Variants in NIPAL2 observed in about 807,000 individuals in gnomAD.
The protein encoded by NIPAL2 is NIPA-like protein 2.
In NIPAL2, 43 loss-of-function variants were observed where a neutral mutation model predicts 48.9. The ratio of observed to expected loss-of-function variants is 0.88; its 90% CI spans 0.69 to 1.13. The LOEUF (loss-of-function observed/expected upper bound fraction) is 1.13, where lower values mean the gene tolerates loss of function less well. Ranked by LOEUF, NIPAL2 falls within the 50% of genes most tolerant of loss-of-function variation. The probability of loss-of-function intolerance (pLI) is 0.00; values close to 1 mark genes in which losing one functional copy is unlikely to be tolerated. For synonymous variants in NIPAL2, 167 were observed against 174.6 expected (o/e 0.96, Z 0.34); for missense variants, 446 against 461.4 (o/e 0.97, Z 0.31).
Position 98,293,996 on chromosome 8 carries a change from C to T in NIPAL2, c.135+7G>A. ...CCGGGCTGCGGTGGCTGCGGGGCGGCCCTTACCTGGTTCCTGCGGTACCAG... is the reference window on the plus strand; with the variant it reads ...CCGGGCTGCGGTGGCTGCGGGGCGGTCCTTACCTGGTTCCTGCGGTACCAG... On this transcript the variant is annotated splice_region_variant and intron_variant, in intron 1 of 10. Transcript: ENST00000430223. 2 of 1,480,778 alleles carry T rather than the reference C, an allele frequency of 1.4e-6. No individual in the cohort carries two copies. The highest frequency in any genetic ancestry group is 2.6e-5 in the South Asian group (2 of 77,090). 91.7% of individuals were successfully genotyped at this position (1,480,778 alleles called of 1,614,324 possible).
At chr8:98,217,053 A>G in intron 5 of NIPAL2, 2 of 985,446 alleles carry the variant, frequency 2.0e-6, no homozygotes, top group Non-Finnish European at 2.4e-6. Context: ...TTTGACCTTG[A>G]AAACTCCACT....
chr8:98,198,597 T>C (rs751878511), intron 8 of NIPAL2, among the ~76,000 whole-genome samples: 26 of 152,252 alleles, frequency 1.7e-4, no homozygotes, highest in Non-Finnish European at 2.9e-4. Context: ...TCAATGATCT[T>C]AGCTAGATGT....
intron 3 of NIPAL2, among the ~76,000 whole-genome samples, chr8:98,236,848 T>C (rs929418508): frequency 3.5e-5 from 2 of 57,726 alleles, no homozygotes; most frequent in African/African-American, 1.3e-4. Flanking sequence ...GGAGATCCTG[T>C]CTCAAAAAAA....
At chr8:98,254,812 C>A (rs1813783076) in intron 1 of NIPAL2, among the ~76,000 whole-genome samples, 1 of 152,216 alleles carries the variant, frequency 6.6e-6, no homozygotes, top group Non-Finnish European at 1.5e-5. Context: ...CATCCTCTAG[C>A]CAGATGTGAC....
chr8:98,203,013 C>T (rs1810875587), intron 8 of NIPAL2, 95 bp downstream of exon 8: 2 of 965,940 alleles, frequency 2.1e-6, no homozygotes, highest in African/African-American at 3.3e-5. Flanking sequence ...CAACACAGAT[C>T]CTTACAACCT....
rs1231589342 is a variant in NIPAL2 at position 98,212,367 on chromosome 8, G to A, written c.655+38C>T. ...CAAACCTCATTTATGACTCAGCACA[G>A]CTCAATTAAAGAATAAGAAAACAAA... On this transcript the variant is annotated intron_variant, in intron 6 of 10. Transcript: ENST00000430223. The A allele has an allele frequency of 3.6e-6, 4 of 1,097,558 alleles. No individual in the cohort carries two copies. The Admixed American group carries it at 6.9e-5, about 19-fold the overall frequency. 68.0% of individuals were successfully genotyped at this position (1,097,558 alleles called of 1,614,324 possible).
intron 5 of NIPAL2, among the ~76,000 whole-genome samples, chr8:98,222,037 A>ATCAT (rs1278388977): frequency 9.9e-5 from 15 of 152,164 alleles, no homozygotes; most frequent in Non-Finnish European, 2.1e-4. Context: ...ACCAACCCAA[A>ATCAT]TGTCCATCAA....
intron 4 of NIPAL2, among the ~76,000 whole-genome samples, chr8:98,227,923 A>G (rs1812257551): frequency 1.3e-5 from 2 of 152,226 alleles, no homozygotes; most frequent in African/African-American, 4.8e-5. Flanking sequence ...CCAAAACTCA[A>G]GTTCACACCT....
intron 1 of NIPAL2, among the ~76,000 whole-genome samples, chr8:98,266,832 A>G (rs1385376413): frequency 6.6e-6 from 1 of 152,194 alleles, no homozygotes; most frequent in Non-Finnish European, 1.5e-5. Flanking sequence ...ACCTAAATGA[A>G]TGAGGTCCGC....
Position 98,193,058 on chromosome 8 carries a change from A to G in NIPAL2, c.1072T>C (p.Ser358Pro), listed in dbSNP as rs1209036902. ...AAAGTTCCATAGGATAAGCTATGTG[A>G]ATCTGGTTGTATTTTGTCCAACATT... ...KQMLDKIQPD[S>P]HSLSYGTLPD... is the part of the protein sequence containing the mutation. The change falls in exon 11 of 11, where the codon TCA becomes CCA. Residue 358 changes from serine (S) to proline (P), a missense_variant. Transcript: ENST00000430223. 6.2e-7 allele frequency: 1 copy of G among 1,614,058 alleles called. No homozygotes were observed. Among genetic ancestry groups the G allele is most frequent in the Non-Finnish European group, 8.5e-7 (1 of 1,179,940 alleles).
chr8:98,267,685 A>C (rs1342480232), intron 1 of NIPAL2, among the ~76,000 whole-genome samples: 1 of 152,184 alleles, frequency 6.6e-6, no homozygotes, highest in Non-Finnish European at 1.5e-5. Flanking sequence ...TTTTTAAGCC[A>C]TCATTATAAG....
intron 1 of NIPAL2, among the ~76,000 whole-genome samples, chr8:98,263,861 C>A (rs1001977433): frequency 8.2e-6 from 1 of 121,736 alleles, no homozygotes; most frequent in Admixed American, 8.5e-5. Flanking sequence ...CCTTGATGAA[C>A]ATTGATGCAA....
intron 1 of NIPAL2, among the ~76,000 whole-genome samples, chr8:98,273,786 T>C (rs1158603603): frequency 6.6e-6 from 1 of 152,090 alleles, no homozygotes; most frequent in African/African-American, 2.4e-5. Flanking sequence ...ATTAGCTTTT[T>C]CCCTTTCTTC....
At chr8:98,272,886 T>A (rs1815224352) in intron 1 of NIPAL2, among the ~76,000 whole-genome samples, 1 of 152,196 alleles carries the variant, frequency 6.6e-6, no homozygotes, top group Non-Finnish European at 1.5e-5. Flanking sequence ...AATGCTTATT[T>A]TTTCCAGGAA....
At chr8:98,247,958 C>T (rs1228940553) in intron 3 of NIPAL2, among the ~76,000 whole-genome samples, 1 of 152,186 alleles carries the variant, frequency 6.6e-6, no homozygotes, top group East Asian at 1.9e-4. Flanking sequence ...CATTCGGCCT[C>T]TCTGTAGTTA....
At chr8:98,262,374 C>G (rs1294485208) in intron 1 of NIPAL2, among the ~76,000 whole-genome samples, 453 of 148,126 alleles carry the variant, frequency 3.1e-3, no homozygotes, top group African/African-American at 0.01. Flanking sequence ...GTGCTGTATT[C>G]AGGAAACCCA....
At position 98,294,218 on chromosome 8, in the gene NIPAL2, C is replaced by T. The variant is rs1816653699; in HGVS notation, c.-81G>A. On this transcript the variant is annotated 5_prime_UTR_variant, in exon 1 of 11. Coordinates refer to ENST00000430223, the MANE Select transcript of NIPAL2 (RefSeq NM_001321635.2). The stretch of plus-strand genomic sequence containing the variant: ...CTGTTGCACCGCGAGGAGGCCGCGC[C>T]GCAGCCACTTCCTGCTCGGTGCCCG... 7 of 1,201,200 alleles carry T rather than the reference C, an allele frequency of 5.8e-6. No homozygotes were observed. The highest frequency in any genetic ancestry group is 7.2e-6 in the Non-Finnish European group (7 of 968,538). 74.4% of individuals were successfully genotyped at this position (1,201,200 alleles called of 1,614,324 possible).
chr8:98,198,407 C>A (rs1810653642), intron 8 of NIPAL2, among the ~76,000 whole-genome samples: 1 of 152,356 alleles, frequency 6.6e-6, no homozygotes, highest in South Asian at 2.1e-4. Flanking sequence ...TAAGCATTGG[C>A]TTCAAATTAA....
chr8:98,283,833 C>A (rs1023385470), intron 1 of NIPAL2, among the ~76,000 whole-genome samples: 11 of 152,162 alleles, frequency 7.2e-5, no homozygotes, highest in South Asian at 2.1e-4. Context: ...CAAGTATCAG[C>A]CACTGGGTGA....
Sources: gnomAD v4.1 joint callset for allele counts (sites outside exome capture counted in the v4.1 genomes callset) on GRCh38, gnomAD v4.1.1 for gene constraint, MANE v1.5 for transcripts, NCBI Gene and HGNC (gene_info 2026-07-23, HGNC 2026-07-21) for gene names.